Variants in CPPED1 observed in about 807,000 individuals in gnomAD.
CPPED1 encodes the protein calcineurin like phosphoesterase domain containing 1, also known as serine/threonine-protein phosphatase CPPED1.
Under a neutral mutation model 28.0 loss-of-function variants are expected in CPPED1, and 28 were observed. The ratio of observed to expected loss-of-function variants is 1.00; its 90% confidence interval spans 0.74 to 1.37. The LOEUF (loss-of-function observed/expected upper bound fraction) is 1.37. Ranked by LOEUF, CPPED1 falls within the 40% of genes most tolerant of loss-of-function variation. The pLI is 0.00. For synonymous variants in CPPED1, 198 were observed against 180.2 expected, an observed-to-expected ratio of 1.10 and a Z score of -0.79; for missense variants, 504 against 416.5, an observed-to-expected ratio of 1.21 and a Z score of -1.83.
intron 2 of CPPED1, among the ~76,000 whole-genome samples, chr16:12,712,524 T>C (rs2080085569): frequency 6.6e-6 from 1 of 152,192 alleles, no homozygotes; most frequent in Non-Finnish European, 1.5e-5. Flanking sequence ...TGAGAAGATA[T>C]AAACATTTAA....
chr16:12,713,670 G>A (rs1281402967), intron 2 of CPPED1, among the ~76,000 whole-genome samples: 3 of 151,872 alleles, frequency 2.0e-5, no homozygotes, highest in Non-Finnish European at 4.4e-5. Flanking sequence ...TATAAATCTC[G>A]TTTCTTCAAT....
intron 3 of CPPED1, among the ~76,000 whole-genome samples, chr16:12,679,559 A>G (rs2079894748): frequency 6.6e-6 from 1 of 152,254 alleles, no homozygotes; most frequent in Non-Finnish European, 1.5e-5. Context: ...AAAGAAACAT[A>G]TATACATACA....
At chr16:12,678,286 C>T (rs930632338) in intron 3 of CPPED1, among the ~76,000 whole-genome samples, 5 of 152,164 alleles carry the variant, frequency 3.3e-5, no homozygotes, top group Non-Finnish European at 7.3e-5. Flanking sequence ...TCTGTCCTGA[C>T]GGTCAGAAAG....
intron 2 of CPPED1, among the ~76,000 whole-genome samples, chr16:12,734,057 C>G (rs868026986): frequency 5.8e-5 from 6 of 102,978 alleles, no homozygotes; most frequent in Admixed American, 2.2e-4. Context: ...TCAAATTACA[C>G]GTTTTTTTTT....
At chr16:12,781,912 T>C (rs1300074826) in intron 1 of CPPED1, among the ~76,000 whole-genome samples, 1 of 151,914 alleles carries the variant, frequency 6.6e-6, no homozygotes, top group Admixed American at 6.6e-5. Flanking sequence ...AAGCTCTGGC[T>C]ATCTGGTGGG....
chr16:12,688,404 C>G (rs1476787383), intron 3 of CPPED1, among the ~76,000 whole-genome samples: 1 of 149,184 alleles, frequency 6.7e-6, no homozygotes, highest in Non-Finnish European at 1.5e-5. Context: ...AAAATTTTCG[C>G]TCATTGCAAC....
intron 3 of CPPED1, among the ~76,000 whole-genome samples, chr16:12,668,887 G>C (rs1567271134): frequency 6.6e-6 from 1 of 152,236 alleles, no homozygotes; most frequent in Non-Finnish European, 1.5e-5. Context: ...TGGTGGGAAA[G>C]TAAAATGGTA....
In CPPED1 at chr16:12,770,549, G is replaced by A. The variant is rs547063335; in HGVS notation, c.289+10636C>T. ...TTAAGAAAAGCATGCTGACCAGGGC[G>A]TGGTGGCTCACACCTGTAATCCCAG... On this transcript the variant is annotated intron_variant, in intron 2 of 3. Coordinates refer to ENST00000381774, the MANE Select transcript of CPPED1 (RefSeq NM_018340.3). Among the ~76,000 whole-genome samples the A allele has an allele frequency of 9.2e-5, 14 of 152,240 alleles. No individual in the cohort carries two copies. The East Asian group carries it at 1.9e-3, about 21-fold the overall frequency.
At chr16:12,689,527 G>C (rs986844499) in intron 3 of CPPED1, among the ~76,000 whole-genome samples, 3 of 151,780 alleles carry the variant, frequency 2.0e-5, no homozygotes, top group Non-Finnish European at 4.4e-5. Context: ...ACCACACCCA[G>C]CCAGTATTTC....
At chr16:12,684,834 G>T (rs1596444983) in intron 3 of CPPED1, among the ~76,000 whole-genome samples, 2 of 152,178 alleles carry the variant, frequency 1.3e-5, no homozygotes, top group Admixed American at 6.5e-5. Flanking sequence ...AATGAATGGA[G>T]AGATGGATGG....
intron 2 of CPPED1, among the ~76,000 whole-genome samples, chr16:12,710,766 G>T (rs1396488555): frequency 1.3e-5 from 2 of 152,148 alleles, no homozygotes; most frequent in Non-Finnish European, 2.9e-5. Context: ...TTAAAGAAAT[G>T]CAAATCAAAA....
At chr16:12,733,544 G>T (rs1156844467) in intron 2 of CPPED1, among the ~76,000 whole-genome samples, 6 of 152,146 alleles carry the variant, frequency 3.9e-5, no homozygotes, top group African/African-American at 1.4e-4. Flanking sequence ...CAAAGTGCTG[G>T]GATTACAGGT....
intron 2 of CPPED1, among the ~76,000 whole-genome samples, chr16:12,735,472 T>C (rs1253753118): frequency 1.3e-5 from 2 of 152,210 alleles, no homozygotes; most frequent in East Asian, 3.9e-4. Context: ...CCCTGGCTAA[T>C]TTTTGTATTT....
chr16:12,798,219 C>T (rs1286590747), intron 1 of CPPED1, among the ~76,000 whole-genome samples: 2 of 152,188 alleles, frequency 1.3e-5, no homozygotes, highest in East Asian at 3.9e-4. Context: ...TCACTCTATC[C>T]CTTGACTGAT....
At chr16:12,732,653 G>C (rs1275970240) in intron 2 of CPPED1, among the ~76,000 whole-genome samples, 1 of 152,014 alleles carries the variant, frequency 6.6e-6, no homozygotes, top group Non-Finnish European at 1.5e-5. Context: ...ATGTGTTTCT[G>C]GTTTCATATA....
At chr16:12,749,169 G>A (rs117869106) in intron 2 of CPPED1, among the ~76,000 whole-genome samples, 1,851 of 152,300 alleles carry the variant, frequency 0.012, 21 homozygotes, top group Middle Eastern at 0.027. Flanking sequence ...TCTGTAGCAT[G>A]TAAAGCTGTT....
intron 2 of CPPED1, among the ~76,000 whole-genome samples, chr16:12,706,556 GAAAAAAAAAAA>G (rs56369967): frequency 4.8e-5 from 5 of 104,876 alleles, no homozygotes; most frequent in African/African-American, 1.8e-4. Flanking sequence ...AATTTTCACC[GAAAAAAAAAAA>G]AAAAAAAAAC....
At chr16:12,693,922 G>A (rs2079976397) in intron 3 of CPPED1, among the ~76,000 whole-genome samples, 3 of 152,196 alleles carry the variant, frequency 2.0e-5, no homozygotes, top group Non-Finnish European at 4.4e-5. Flanking sequence ...ATTTTTACTT[G>A]GCCGGCTGTG....
intron 3 of CPPED1, among the ~76,000 whole-genome samples, chr16:12,683,369 C>T (rs2079915843): frequency 6.6e-6 from 1 of 152,202 alleles, no homozygotes; most frequent in African/African-American, 2.4e-5. Flanking sequence ...GTGGCCTTCC[C>T]CAGGCTCTGT....
Sources: gnomAD v4.1 joint callset for allele counts (sites outside exome capture counted in the v4.1 genomes callset) on GRCh38, gnomAD v4.1.1 for gene constraint, MANE v1.5 for transcripts, NCBI Gene and HGNC (gene_info 2026-07-23, HGNC 2026-07-21) for gene names.